Variants in PEBP4 observed in about 807,000 individuals in gnomAD.
PEBP4 encodes phosphatidylethanolamine-binding protein 4.
In PEBP4, 22 loss-of-function variants were observed where a neutral mutation model predicts 23.9. The observed-to-expected ratio is 0.92, with a 90% CI of 0.66 to 1.31. The LOEUF (loss-of-function observed/expected upper bound fraction) is 1.31. PEBP4 is among the 40% of genes most tolerant of loss of function. The probability of loss-of-function intolerance (pLI) is 0.00; values close to 1 mark genes in which losing one functional copy is unlikely to be tolerated. For synonymous variants in PEBP4, 112 were observed against 99.3 expected (o/e 1.13, Z -0.76); for missense variants, 324 against 281.7 (o/e 1.15, Z -1.07).
chr8:22,793,555 A>G (rs567388238), intron 4 of PEBP4, among the ~76,000 whole-genome samples: 8 of 151,356 alleles, frequency 5.3e-5, no homozygotes, highest in Admixed American at 5.3e-4. Context: ...TGCTGAGATT[A>G]TAGACGTGAG....
intron 3 of PEBP4, among the ~76,000 whole-genome samples, chr8:22,832,502 C>T (rs915808940): frequency 6.6e-5 from 10 of 152,216 alleles, no homozygotes; most frequent in African/African-American, 2.4e-4. Context: ...TTAAGCCACC[C>T]AGTCTATGGA....
chr8:22,904,355 G>A (rs545649390), intron 3 of PEBP4, among the ~76,000 whole-genome samples: 5 of 152,248 alleles, frequency 3.3e-5, no homozygotes, highest in African/African-American at 4.8e-5. Flanking sequence ...CTGTGCCCAC[G>A]CCTGGATGAT....
chr8:22,932,526 T>TAC (rs964867479), upstream of PEBP4, among the ~76,000 whole-genome samples: 49 of 151,248 alleles, frequency 3.2e-4, no homozygotes, highest in East Asian at 7.8e-4. Flanking sequence ...AACACACATA[T>TAC]ACACACACAC....
intron 3 of PEBP4, among the ~76,000 whole-genome samples, chr8:22,889,358 C>G (rs1427372733): frequency 6.6e-6 from 1 of 152,208 alleles, no homozygotes; most frequent in African/African-American, 2.4e-5. Context: ...CAGAACAATG[C>G]AGGGGCTGAG....
rs186963980 is a variant in PEBP4, at chr8:22,905,110, C to T, written c.258+15074G>A. 9.9e-5 allele frequency among the ~76,000 whole-genome samples: 15 copies of T among 152,222 alleles called. No homozygotes were observed. The East Asian group carries it at 2.1e-3, about 22-fold the overall frequency. On this transcript the variant is annotated intron_variant, in intron 3 of 6. Transcript: ENST00000256404. ...TTGAAGCAATTTGTACTTTTGCCTG[C>T]GGTGTATACTCTTTTAAGAAAAGAA...
chr8:22,913,363 A>C (rs1808988862), intron 3 of PEBP4, among the ~76,000 whole-genome samples: 2 of 149,076 alleles, frequency 1.3e-5, no homozygotes, highest in Admixed American at 6.7e-5. Flanking sequence ...TCTTCCCTGC[A>C]CCTCCCTCCT....
At chr8:22,852,473 C>G (rs1807569691) in intron 3 of PEBP4, among the ~76,000 whole-genome samples, 1 of 152,066 alleles carries the variant, frequency 6.6e-6, no homozygotes, top group East Asian at 1.9e-4. Context: ...AAGGAGCAAG[C>G]CTGGGTCTCC....
intron 3 of PEBP4, among the ~76,000 whole-genome samples, chr8:22,861,950 C>T (rs1379345367): frequency 2.6e-5 from 4 of 152,166 alleles, no homozygotes; most frequent in East Asian, 1.9e-4. Context: ...ATCGGGAGCA[C>T]GAAGTCATTC....
chr8:22,808,307 A>C (rs559577340), intron 4 of PEBP4, among the ~76,000 whole-genome samples: 8 of 152,196 alleles, frequency 5.3e-5, no homozygotes, highest in African/African-American at 1.9e-4. Context: ...TTCAACCTCC[A>C]TCTATCCCTC....
At chr8:22,793,572 C>T (rs1806184730) in intron 4 of PEBP4, among the ~76,000 whole-genome samples, 3 of 151,980 alleles carry the variant, frequency 2.0e-5, no homozygotes, top group Admixed American at 1.3e-4. Flanking sequence ...TGAGCCATCA[C>T]ACCTGGTTGG....
intron 4 of PEBP4, among the ~76,000 whole-genome samples, chr8:22,802,916 G>T (rs1441740123): frequency 6.6e-6 from 1 of 152,170 alleles, no homozygotes; most frequent in Non-Finnish European, 1.5e-5. Context: ...TGTAGGTGGG[G>T]TAATAGAGAC....
At chr8:22,854,524 C>T (rs1026453188) in intron 3 of PEBP4, among the ~76,000 whole-genome samples, 1 of 152,116 alleles carries the variant, frequency 6.6e-6, no homozygotes, top group Non-Finnish European at 1.5e-5. Flanking sequence ...GGAATACAAA[C>T]CACCTCCACG....
chr8:22,772,304 C>T (rs573014435), intron 4 of PEBP4, among the ~76,000 whole-genome samples: 7 of 152,278 alleles, frequency 4.6e-5, no homozygotes, highest in South Asian at 2.1e-4. Context: ...GGACATGGTG[C>T]GTCAAGACTT....
intron 5 of PEBP4, 48 bp downstream of exon 5, chr8:22,727,127 G>A (rs766911362): frequency 8.7e-6 from 14 of 1,600,778 alleles, no homozygotes; most frequent in Admixed American, 1.7e-5. Context: ...TCCTGTGATC[G>A]TCACTGATGC....
At position 22,752,616 on chromosome 8, in the gene PEBP4, G is replaced by A. The variant is rs183966908; in HGVS notation, c.358-25396C>T. Among the ~76,000 whole-genome samples, 30 of 152,338 alleles carry A rather than the reference G, an allele frequency of 2.0e-4. No homozygotes were observed. In the East Asian group the frequency reaches 5.6e-3, roughly 28 times the overall value. ...TGCTCCTCATTTACAATCAGTCATC[G>A]TGGAAGGGAATCTCCTCTTGCAACC... On this transcript the variant is annotated intron_variant, in intron 4 of 6. Coordinates refer to ENST00000256404, the MANE Select transcript of PEBP4 (RefSeq NM_144962.3).
chr8:22,908,358 C>A (rs1215469033), intron 3 of PEBP4, among the ~76,000 whole-genome samples: 2 of 148,990 alleles, frequency 1.3e-5, no homozygotes, highest in Non-Finnish European at 3.0e-5. Context: ...TCATGGAGGC[C>A]AAGGGGAAAA....
intron 6 of PEBP4, among the ~76,000 whole-genome samples, chr8:22,714,979 T>C (rs564642355): frequency 2.0e-4 from 31 of 152,372 alleles, no homozygotes; most frequent in Admixed American, 1.9e-3. Context: ...ATAATTCGCT[T>C]AATCCTCACA....
At chr8:22,809,385 A>C (rs969705335) in intron 4 of PEBP4, among the ~76,000 whole-genome samples, 3 of 152,128 alleles carry the variant, frequency 2.0e-5, no homozygotes, top group Non-Finnish European at 4.4e-5. Context: ...AGGTGCCACC[A>C]ATCTCAAACC....
At chr8:22,850,691 C>T (rs1215880716) in intron 3 of PEBP4, among the ~76,000 whole-genome samples, 3 of 152,162 alleles carry the variant, frequency 2.0e-5, no homozygotes, top group South Asian at 2.1e-4. Flanking sequence ...AGATACTCAT[C>T]CTTCCTCCCA....
Sources: allele counts gnomAD v4.1 joint callset (sites outside exome capture counted in the v4.1 genomes callset), GRCh38; gene constraint gnomAD v4.1.1; transcripts MANE v1.5; gene names NCBI Gene and HGNC (gene_info 2026-07-23, HGNC 2026-07-21).